The following PCA3 variants were observed in gnomAD, a reference collection of about 807,000 sequenced individuals.
PCA3 encodes the protein prostate cancer associated 3, also known as Differential Display code 3.
intron 2 of PCA3, among the ~76,000 whole-genome samples, chr9:76,774,450 C>CTTTTTTTATTTATTTATTTTTTTT (rs1564272256): frequency 2.4e-5 from 1 of 41,402 alleles, no homozygotes. Context: ...CAGTTCAACC[C>CTTTTTTTATTTATTTATTTTTTTT]TTTTTTTTTT....
At chr9:76,776,042 T>G (rs2053697178) in intron 2 of PCA3, among the ~76,000 whole-genome samples, 1 of 152,180 alleles carries the variant, frequency 6.6e-6, no homozygotes, top group Admixed American at 6.5e-5. Flanking sequence ...AAGCATCCCT[T>G]CTTTATAACT....
chr9:76,779,676 T>A (rs2131163341), intron 2 of PCA3: 1 of 152,340 alleles, frequency 6.6e-6, no homozygotes, highest in African/African-American at 2.4e-5. Flanking sequence ...TCCACTGTAT[T>A]GTCTGAAATG....
intron 2 of PCA3, among the ~76,000 whole-genome samples, chr9:76,770,826 A>G (rs545033846): frequency 3.9e-5 from 6 of 152,354 alleles, no homozygotes; most frequent in Non-Finnish European, 5.9e-5. Flanking sequence ...ATGACTGCTC[A>G]TAATGGTCAG....
chr9:76,777,919 G>A (rs542981943), intron 2 of PCA3, among the ~76,000 whole-genome samples: 1 of 152,318 alleles, frequency 6.6e-6, no homozygotes, highest in Non-Finnish European at 1.5e-5. Context: ...CAAAGTCCCT[G>A]AGGCAAAAGC....
At chr9:76,765,891 T>C (rs369581725) in intron 2 of PCA3, among the ~76,000 whole-genome samples, 1 of 152,090 alleles carries the variant, frequency 6.6e-6, no homozygotes, top group African/African-American at 2.4e-5. Context: ...TTTAGAAATA[T>C]CTCGTTAGAG....
intron 2 of PCA3, among the ~76,000 whole-genome samples, chr9:76,777,784 A>C (rs868496475): frequency 6.6e-6 from 1 of 152,218 alleles, no homozygotes; most frequent in African/African-American, 2.4e-5. Flanking sequence ...TATTTTATAT[A>C]AGATGGTCAG....
intron 2 of PCA3, among the ~76,000 whole-genome samples, chr9:76,777,582 G>A (rs969337731): frequency 3.3e-5 from 5 of 152,102 alleles, no homozygotes; most frequent in Admixed American, 1.3e-4. Context: ...TTTATGCAAG[G>A]CATTCTTGGG....
chr9:76,774,183 T>C (rs1359024338), intron 2 of PCA3, among the ~76,000 whole-genome samples: 1 of 152,176 alleles, frequency 6.6e-6, no homozygotes, highest in African/African-American at 2.4e-5. Context: ...TCCCCCAGGC[T>C]GGAGTGCAGT....
chr9:76,772,499 C>G (rs1271626816), intron 2 of PCA3, among the ~76,000 whole-genome samples: 4 of 152,286 alleles, frequency 2.6e-5, no homozygotes, highest in Middle Eastern at 3.4e-3. Flanking sequence ...AAATAACCTT[C>G]TGTAGTTTTG....
intron 2 of PCA3, among the ~76,000 whole-genome samples, chr9:76,782,998 T>A (rs2054584874): frequency 6.6e-6 from 1 of 152,226 alleles, no homozygotes; most frequent in African/African-American, 2.4e-5. Context: ...TCCCCCATGT[T>A]ACGTGTCATT....
intron 2 of PCA3, among the ~76,000 whole-genome samples, chr9:76,770,180 A>C (rs895781441): frequency 6.6e-6 from 1 of 152,092 alleles, no homozygotes; most frequent in Non-Finnish European, 1.5e-5. Context: ...AAACTTTTTG[A>C]CTTCATTTGA....
At chr9:76,774,469 T>TA (rs1172601108) in intron 2 of PCA3, among the ~76,000 whole-genome samples, 23 of 140,096 alleles carry the variant, frequency 1.6e-4, no homozygotes, top group East Asian at 4.2e-4. Context: ...TTTTTTTTTT[T>TA]TTTTTTTTGA....
At chr9:76,774,522 G>A (rs1589150421) in intron 2 of PCA3, among the ~76,000 whole-genome samples, 1 of 137,664 alleles carries the variant, frequency 7.3e-6, no homozygotes, top group African/African-American at 2.8e-5. Flanking sequence ...GCAGTGGCAC[G>A]ATCTCGGCTC....
At chr9:76,772,003 C>T (rs2130957141) in intron 2 of PCA3, among the ~76,000 whole-genome samples, 1 of 152,282 alleles carries the variant, frequency 6.6e-6, no homozygotes, top group Non-Finnish European at 1.5e-5. Flanking sequence ...AGCAAATTTG[C>T]CTATACGAAG....
intron 2 of PCA3, chr9:76,779,873 T>A (rs1408448839): frequency 6.6e-6 from 1 of 152,252 alleles, no homozygotes; most frequent in Non-Finnish European, 1.5e-5. Context: ...TTCCAAATGA[T>A]AAACTTTCCT....
intron 2 of PCA3, chr9:76,780,011 C>A (rs965635294): frequency 6.6e-6 from 1 of 152,236 alleles, no homozygotes; most frequent in South Asian, 2.1e-4. Context: ...TAAAATCCAT[C>A]GTCAGACAAG....
At chr9:76,769,929 T>A (rs1449468866) in intron 2 of PCA3, among the ~76,000 whole-genome samples, 1 of 152,186 alleles carries the variant, frequency 6.6e-6, no homozygotes, top group Non-Finnish European at 1.5e-5. Flanking sequence ...ATGTTTCAAA[T>A]AATTAAATTG....
At chr9:76,783,029 G>T (rs529366430) in intron 2 of PCA3, among the ~76,000 whole-genome samples, 16 of 152,268 alleles carry the variant, frequency 1.1e-4, no homozygotes, top group Admixed American at 8.5e-4. Context: ...TTCTTTTAAA[G>T]TGCCCAAAAC....
intron 2 of PCA3, among the ~76,000 whole-genome samples, chr9:76,782,049 C>T (rs1389495951): frequency 2.0e-5 from 3 of 152,108 alleles, no homozygotes; most frequent in South Asian, 2.1e-4. Flanking sequence ...CCCATCTCTA[C>T]TAAAAATACA....
Sources: allele counts gnomAD v4.1 joint callset (sites outside exome capture counted in the v4.1 genomes callset), GRCh38; gene constraint gnomAD v4.1.1; transcripts MANE v1.5; gene names NCBI Gene and HGNC (gene_info 2026-07-23, HGNC 2026-07-21).